Variants in LMNA observed in about 807,000 individuals in gnomAD.
LMNA encodes the protein lamin.
A neutral mutation model predicts 70.4 loss-of-function variants in LMNA; 20 were observed. The observed-to-expected ratio is 0.28, with a 90% CI of 0.20 to 0.41. The LOEUF is 0.41. Ranked by LOEUF, LMNA falls within the 10% of genes least tolerant of loss-of-function variation. The pLI is 1.00. For missense variants in LMNA, 652 were observed against 917.2 expected, an observed-to-expected ratio of 0.71 and a Z score of 3.73; for synonymous variants, 339 against 372.8, an observed-to-expected ratio of 0.91 and a Z score of 1.04.
chr1:156,099,432 C>A (rs562053652), intron 3 of LMNA, among the ~76,000 whole-genome samples: 1 of 152,146 alleles, frequency 6.6e-6, no homozygotes, highest in Non-Finnish European at 1.5e-5. Context: ...ATTAATTGTG[C>A]AACATTGGAC....
At chr1:156,089,797 C>T (rs1648625228) in intron 2 of LMNA, among the ~76,000 whole-genome samples, 1 of 152,190 alleles carries the variant, frequency 6.6e-6, no homozygotes, top group Non-Finnish European at 1.5e-5. Context: ...TGCCAGGTCC[C>T]CTGCATTGTC....
upstream of LMNA, among the ~76,000 whole-genome samples, chr1:156,110,586 C>T (rs750216594): frequency 6.6e-6 from 1 of 152,124 alleles, no homozygotes; most frequent in Non-Finnish European, 1.5e-5. Flanking sequence ...GGCTGGCACC[C>T]GTGATCCCAG....
chr1:156,126,344 G>T, intron 1 of LMNA: 1 of 819,898 alleles, frequency 1.2e-6, no homozygotes, highest in East Asian at 2.8e-5. Flanking sequence ...TGTCCCTCTT[G>T]CTTCTCCCCC....
chr1:156,086,981 C>CTCAGTTATCA (rs1648504357), intron 2 of LMNA, among the ~76,000 whole-genome samples: 1 of 151,978 alleles, frequency 6.6e-6, no homozygotes, highest in Non-Finnish European at 1.5e-5. Context: ...CTTCTGGGCA[C>CTCAGTTATCA]CTGTTATCAC....
At chr1:156,126,268 G>T in intron 1 of LMNA, 1 of 1,400,930 alleles carries the variant, frequency 7.1e-7, no homozygotes, top group Non-Finnish European at 9.5e-7. Flanking sequence ...TCCCTGCAGG[G>T]CTGGGCCAGC....
intron 1 of LMNA, among the ~76,000 whole-genome samples, chr1:156,122,933 CT>C (rs1442411287): frequency 6.6e-6 from 1 of 152,322 alleles, no homozygotes; most frequent in Non-Finnish European, 1.5e-5. Context: ...CCCTTCACCC[CT>C]GCCTCCCCCA....
At chr1:156,091,374 G>A (rs1424500465) in intron 3 of LMNA, among the ~76,000 whole-genome samples, 3 of 152,294 alleles carry the variant, frequency 2.0e-5, no homozygotes, top group African/African-American at 7.2e-5. Flanking sequence ...AGGCCGAGGC[G>A]GGCAGATCAC....
Position 156,138,867 on chromosome 1 carries a change from C to A in LMNA, c.1968+110C>A. On this transcript the variant is annotated intron_variant, in intron 11 of 11. Coordinates refer to ENST00000368300, the MANE Select transcript of LMNA (RefSeq NM_170707.4). The surrounding 1 kb of genome is among the most constrained non-coding windows in gnomAD (Gnocchi z 5.5). ...AGAGCCTGCCTTCTCTTCCGCAGCC[C>A]GGGGGAGTGGGAGCCTCCTCCCCAC... is the stretch of plus-strand genomic sequence containing the variant. The A allele has an allele frequency of 6.8e-7, 1 of 1,464,920 alleles. No homozygotes were observed. Among genetic ancestry groups the A allele is most frequent in the Non-Finnish European group, 9.4e-7 (1 of 1,058,336 alleles). The allele number at this position is 1,464,920 out of a possible 1,614,324, so 90.7% of individuals were successfully genotyped here.
rs146351848 is a variant in LMNA at position 156,085,670 on chromosome 1, G to A, written c.-319+2486G>A. On this transcript the variant is annotated intron_variant, in intron 2 of 12. Transcript: ENST00000368301. ...TCATGGTGTCAGGAGGAAAGAGCAGGTCTCCAAAGATAAACATGCTGCTTA... is the reference window on the plus strand; with the variant it reads ...TCATGGTGTCAGGAGGAAAGAGCAGATCTCCAAAGATAAACATGCTGCTTA... Among the ~76,000 whole-genome samples, 154 of 152,314 alleles carry A rather than the reference G, an allele frequency of 1.0e-3. 2 individuals are homozygous for A. Among genetic ancestry groups the A allele is most frequent in the African/African-American group, 3.5e-3 (147 of 41,552 alleles).
At chr1:156,102,913 C>T (rs1396643706) in intron 3 of LMNA, among the ~76,000 whole-genome samples, 1 of 152,312 alleles carries the variant, frequency 6.6e-6, no homozygotes, top group South Asian at 2.1e-4. Flanking sequence ...GTAACTGCTG[C>T]GTCCCGGCCC....
rs397517894 is a variant in LMNA, at chr1:156,115,068, C to T, written c.150C>T (p.Arg50=). 78 of 1,594,310 alleles carry T rather than the reference C, an allele frequency of 4.9e-5. 1 individual carries two copies. The highest frequency in any genetic ancestry group is 1.7e-4 in the Middle Eastern group (1 of 6,036). ...TGGCGGTCTACATCGACCGTGTGCG[C>T]TCGCTGGAAACGGAGAACGCAGGGC... ...DRLAVYIDRV[R]SLETENAGLR... Residue 50 remains arginine, a synonymous_variant, in exon 1 of 12, where the codon CGC becomes CGT. Transcript: ENST00000368300. The surrounding 1 kb of genome is among the most constrained non-coding windows in gnomAD (Gnocchi z 5.8).
chr1:156,137,738 C>G lies in LMNA; in HGVS notation c.1693C>G (p.His565Asp), dbSNP rs1259559222. Residue 565 changes from histidine to aspartate, a missense_variant, in exon 10 of 12, where the codon CAC becomes GAC. Transcript: ENST00000368300. This position sits in a 1 kb window ranked among gnomAD's most constrained non-coding sequence, Gnocchi z 4.6. ...DEDGDDLLHH[H>D]HGSHCSSSGD... The stretch of plus-strand genomic sequence containing the variant: ...GGATGGAGATGACCTGCTCCATCAC[C>G]ACCACGTGAGTGGTAGCCGCCGCTG... 2 of 1,550,342 alleles carry G rather than the reference C, an allele frequency of 1.3e-6. No homozygotes were observed. Among genetic ancestry groups the G allele is most frequent in the South Asian group, 2.4e-5 (2 of 84,018 alleles).
At position 156,103,783 on chromosome 1, in the gene LMNA, C is replaced by A. The variant is rs1207804180; in HGVS notation, c.-206-10930C>A. The stretch of plus-strand genomic sequence containing the variant: ...TCTGGCTCCATTTGAACATACCCCA[C>A]CCTCCCTGCTCTTTATCCCTCAACG... On this transcript the variant is annotated intron_variant, in intron 3 of 12. Coordinates refer to the LMNA transcript ENST00000368301. This position sits in a 1 kb window ranked among gnomAD's most constrained non-coding sequence, Gnocchi z 4.7. Among the ~76,000 whole-genome samples the A allele has an allele frequency of 1.3e-5, 2 of 152,150 alleles. No individual in the cohort carries two copies. The highest frequency in any genetic ancestry group is 4.8e-5 in the African/African-American group (2 of 41,412).
At chr1:156,088,953 A>G (rs1648588652) in intron 2 of LMNA, among the ~76,000 whole-genome samples, 1 of 152,038 alleles carries the variant, frequency 6.6e-6, no homozygotes, top group Non-Finnish European at 1.5e-5. Flanking sequence ...CACCCAGCCT[A>G]TTTTATTTTA....
chr1:156,104,229 C>T (rs11264438), intron 3 of LMNA, among the ~76,000 whole-genome samples: 7 of 152,026 alleles, frequency 4.6e-5, no homozygotes, highest in Non-Finnish European at 8.8e-5. Flanking sequence ...CCTCCCAGCT[C>T]GGGTGGGGAG....
At chr1:156,097,477 A>G (rs1245343093) in intron 3 of LMNA, among the ~76,000 whole-genome samples, 6 of 152,214 alleles carry the variant, frequency 3.9e-5, no homozygotes, top group African/African-American at 1.4e-4. Flanking sequence ...CATATCACTT[A>G]TATCACTTAT....
At chr1:156,086,393 A>ACTCTCT (rs55740793) in intron 2 of LMNA, among the ~76,000 whole-genome samples, 4,376 of 146,336 alleles carry the variant, frequency 0.03, 79 homozygotes, top group Non-Finnish European at 0.036. Flanking sequence ...GTGACCTCTG[A>ACTCTCT]CTCTCTCTCT....
At chr1:156,102,914 G>A (rs1038884854) in intron 3 of LMNA, among the ~76,000 whole-genome samples, 21 of 152,292 alleles carry the variant, frequency 1.4e-4, no homozygotes, top group Non-Finnish European at 2.5e-4. Context: ...TAACTGCTGC[G>A]TCCCGGCCCA....
chr1:156,127,669 C>G (rs1309936038), intron 1 of LMNA, among the ~76,000 whole-genome samples: 1 of 149,438 alleles, frequency 6.7e-6, no homozygotes, highest in Non-Finnish European at 1.5e-5. Context: ...CAGGTGCACA[C>G]CACCGTACCC....
Sources: allele counts gnomAD v4.1 joint callset (sites outside exome capture counted in the v4.1 genomes callset), GRCh38; gene constraint gnomAD v4.1.1; non-coding constraint Gnocchi (gnomAD v3.1); transcripts MANE v1.5; gene names NCBI Gene and HGNC (gene_info 2026-07-23, HGNC 2026-07-21).